The following ADAMTS2 variants were observed in gnomAD, a reference collection of about 807,000 sequenced individuals.
ADAMTS2 encodes the protein ADAM metallopeptidase with thrombospondin type 1 motif 2, also known as A disintegrin and metalloproteinase with thrombospondin motifs 2.
Under a neutral mutation model 123.0 loss-of-function variants are expected in ADAMTS2, and 50 were observed. The ratio of observed to expected loss-of-function variants is 0.41; its 90% CI spans 0.32 to 0.51. The LOEUF (loss-of-function observed/expected upper bound fraction) is 0.51. ADAMTS2 is among the 20% of genes least tolerant of loss of function. The pLI is 0.35. For synonymous variants in ADAMTS2, 678 were observed against 695.4 expected (o/e 0.98, Z 0.39); for missense variants, 1,494 against 1,705.2 (o/e 0.88, Z 2.18).
At position 179,154,443 on chromosome 5, in the gene ADAMTS2, C is replaced by T. The variant is rs1421050972; in HGVS notation, c.1239-251G>A. 3.9e-5 allele frequency among the ~76,000 whole-genome samples: 6 copies of T among 152,178 alleles called. No homozygotes were observed. The South Asian group carries it at 6.2e-4, about 16-fold the overall frequency. On this transcript the variant is annotated intron_variant, in intron 7 of 21. Coordinates refer to ENST00000251582, the MANE Select transcript of ADAMTS2 (RefSeq NM_014244.5). Reference sequence around the variant, plus strand: ...AGGGGCATGCACACCTGGGGGGGACCGTGGCTTCCCTGCCTCCAGGTTTCT... The same window carrying T: ...AGGGGCATGCACACCTGGGGGGGACTGTGGCTTCCCTGCCTCCAGGTTTCT...
At chr5:179,265,952 G>T (rs989070236) in intron 3 of ADAMTS2, among the ~76,000 whole-genome samples, 3 of 152,254 alleles carry the variant, frequency 2.0e-5, no homozygotes, top group Non-Finnish European at 2.9e-5. Context: ...CCAGCGCCGA[G>T]GCGCTGAACT....
chr5:179,226,112 C>A, intron 3 of ADAMTS2, among the ~76,000 whole-genome samples: 1 of 152,302 alleles, frequency 6.6e-6, no homozygotes, highest in Admixed American at 6.5e-5. Flanking sequence ...GCACGCCCTG[C>A]GAGGAGGACA....
Position 179,237,026 on chromosome 5 carries a change from G to A in ADAMTS2, c.689-29311C>T, listed in dbSNP as rs545194587. On this transcript the variant is annotated intron_variant, in intron 3 of 21. Coordinates refer to ENST00000251582, the MANE Select transcript of ADAMTS2 (RefSeq NM_014244.5). The stretch of plus-strand genomic sequence containing the variant: ...TCTCAGCACTTTGGGGGGTTGAGAC[G>A]GGAGGATAGCTTGAGCACAGAAGTA... Among the ~76,000 whole-genome samples the A allele has an allele frequency of 6.4e-4, 98 of 152,194 alleles. 1 individual carries two copies. The South Asian group carries it at 0.018, about 28-fold the overall frequency.
intron 21 of ADAMTS2, among the ~76,000 whole-genome samples, chr5:179,116,963 G>A (rs1762668953): frequency 6.6e-6 from 1 of 152,210 alleles, no homozygotes; most frequent in African/African-American, 2.4e-5. Context: ...ACCCAGGGGA[G>A]ATGCCAGAAA....
rs572437070 is a variant in ADAMTS2 at position 179,185,432 on chromosome 5, G to A, written c.892-4277C>T. On this transcript the variant is annotated intron_variant, in intron 4 of 21. Transcript: ENST00000251582. The surrounding 1 kb of genome is among the most constrained non-coding windows in gnomAD (Gnocchi z 5.9). ...CAGCTCCCACAGGGCGGAGGGAGGAGATGCGGGGCTGGCCCTCTCCTGGCT... is the reference window on the plus strand; with the variant it reads ...CAGCTCCCACAGGGCGGAGGGAGGAAATGCGGGGCTGGCCCTCTCCTGGCT... Among the ~76,000 whole-genome samples the A allele has an allele frequency of 1.3e-5, 2 of 152,204 alleles. No individual in the cohort carries two copies. Among genetic ancestry groups the A allele is most frequent in the South Asian group, 2.1e-4 (1 of 4,818 alleles).
intron 21 of ADAMTS2, among the ~76,000 whole-genome samples, chr5:179,114,531 G>A (rs969067115): frequency 6.6e-6 from 1 of 152,152 alleles, no homozygotes; most frequent in African/African-American, 2.4e-5. Flanking sequence ...TGGAAGTGCT[G>A]ACACACAAGC....
At chr5:179,261,419 C>T (rs1004188166) in intron 3 of ADAMTS2, among the ~76,000 whole-genome samples, 5 of 152,218 alleles carry the variant, frequency 3.3e-5, no homozygotes, top group African/African-American at 4.8e-5. Flanking sequence ...GTCTGTTAAG[C>T]GCTGGGATTT....
intron 3 of ADAMTS2, among the ~76,000 whole-genome samples, chr5:179,266,521 C>G (rs1561657969): frequency 6.6e-6 from 1 of 152,144 alleles, no homozygotes; most frequent in Admixed American, 6.5e-5. Context: ...TGGGGCCTCC[C>G]GAAGGAACCA....
intron 2 of ADAMTS2, among the ~76,000 whole-genome samples, chr5:179,279,594 T>C (rs1466997126): frequency 6.6e-6 from 1 of 152,206 alleles, no homozygotes; most frequent in Non-Finnish European, 1.5e-5. Context: ...CAGAGCCTGC[T>C]CGGGCACTCT....
At chr5:179,310,193 G>A (rs1009087595) in intron 2 of ADAMTS2, among the ~76,000 whole-genome samples, 1 of 152,254 alleles carries the variant, frequency 6.6e-6, no homozygotes, top group Non-Finnish European at 1.5e-5. Flanking sequence ...GAGATGCTCT[G>A]CTGTCTGCTG....
At chr5:179,122,137 C>A (rs1166322016) in intron 20 of ADAMTS2, among the ~76,000 whole-genome samples, 4 of 152,164 alleles carry the variant, frequency 2.6e-5, no homozygotes, top group Non-Finnish European at 5.9e-5. Flanking sequence ...ACACCCTCCC[C>A]AGCTGGGGGC....
intron 2 of ADAMTS2, among the ~76,000 whole-genome samples, chr5:179,315,001 G>A (rs1756945627): frequency 6.6e-6 from 1 of 151,948 alleles, no homozygotes; most frequent in Non-Finnish European, 1.5e-5. Flanking sequence ...ATTCAAGCCT[G>A]GAAGGAACCT....
At chr5:179,196,541 G>C (rs1011299382) in intron 4 of ADAMTS2, among the ~76,000 whole-genome samples, 1 of 152,196 alleles carries the variant, frequency 6.6e-6, no homozygotes, top group Non-Finnish European at 1.5e-5. Context: ...CCTTTAAAAA[G>C]AATCCCCGAA....
chr5:179,234,974 C>T lies in ADAMTS2; in HGVS notation c.689-27259G>A, dbSNP rs1765491312. Among the ~76,000 whole-genome samples, 1 of 152,230 alleles carries T rather than the reference C, an allele frequency of 6.6e-6. No homozygotes were observed. The highest frequency in any genetic ancestry group is 6.5e-5 in the Admixed American group (1 of 15,292). On this transcript the variant is annotated intron_variant, in intron 3 of 21. Coordinates refer to ENST00000251582, the MANE Select transcript of ADAMTS2 (RefSeq NM_014244.5). The surrounding 1 kb of genome is among the most constrained non-coding windows in gnomAD (Gnocchi z 4.7). Reference sequence around the variant, plus strand: ...GCCTGCCAACCCTCCCAGGGACCTGCTCATGTTCCCGCAACGCCCTTACAG... The same window carrying T: ...GCCTGCCAACCCTCCCAGGGACCTGTTCATGTTCCCGCAACGCCCTTACAG...
Position 179,207,684 on chromosome 5 carries a change from G to A in ADAMTS2, c.720C>T (p.Ser240=), listed in dbSNP as rs1484873135. The change falls in exon 4 of 22, where the codon AGC becomes AGT. Residue 240 remains serine, a synonymous_variant. Coordinates refer to ENST00000251582, the MANE Select transcript of ADAMTS2 (RefSeq NM_014244.5). Reference sequence around the variant, plus strand: ...GCTCCTCTAGGACGCCCAGGGCGCGGCTGAGGCTGTCCAGGCTGTCCAGGG... The same window carrying A: ...GCTCCTCTAGGACGCCCAGGGCGCGACTGAGGCTGTCCAGGCTGTCCAGGG... The part of the protein sequence containing the change: ...GASLDSLDSL[S]RALGVLEEHA... 1 of 1,612,626 alleles carries A rather than the reference G, an allele frequency of 6.2e-7. No individual in the cohort carries two copies.
Position 179,252,257 on chromosome 5 carries a change from G to A in ADAMTS2, c.688+20654C>T, listed in dbSNP as rs768196388. Among the ~76,000 whole-genome samples the A allele has an allele frequency of 5.3e-5, 8 of 152,030 alleles. No homozygotes were observed. In the East Asian group the frequency reaches 5.8e-4, roughly 11 times the overall value. ...ACCCCTGAGCTCAGGTGATCCATCC[G>A]CCTCAGACTCCCAAAATGCTGGGAT... is the stretch of plus-strand genomic sequence containing the variant. On this transcript the variant is annotated intron_variant, in intron 3 of 21. Coordinates refer to ENST00000251582, the MANE Select transcript of ADAMTS2 (RefSeq NM_014244.5).
chr5:179,344,278 C>T, intron 1 of ADAMTS2, 117 bp from the exon 2 acceptor site: 1 of 1,354,062 alleles, frequency 7.4e-7, no homozygotes, highest in Non-Finnish European at 1.0e-6. Flanking sequence ...AGGGGCATTC[C>T]GCCAGGCGAC....
chr5:179,134,664 A>C (rs934667661), intron 13 of ADAMTS2, among the ~76,000 whole-genome samples: 7 of 152,204 alleles, frequency 4.6e-5, no homozygotes, highest in African/African-American at 1.7e-4. Context: ...TGTATAGCCC[A>C]GCCTCCCGGC....
At position 179,121,706 on chromosome 5, in the gene ADAMTS2, G is replaced by A; in HGVS notation, c.3133C>T (p.Leu1045=). ...PSKKSYVVQW[L]SRPDPDSPIR... is the part of the protein sequence containing the mutation. ...GGCGAGTCGGGGTCCGGGCGGGACA[G>A]CCACTGAACTACGTAGCTCTTCTTG... Residue 1045 remains leucine (L), a synonymous_variant, in exon 21 of 22, where the codon CTG becomes TTG. Coordinates refer to ENST00000251582, the MANE Select transcript of ADAMTS2 (RefSeq NM_014244.5). 1.9e-6 allele frequency: 3 copies of A among 1,596,058 alleles called. No homozygotes were observed. Among genetic ancestry groups the A allele is most frequent in the Middle Eastern group, 1.7e-4 (1 of 6,006 alleles).
Sources: allele counts gnomAD v4.1 joint callset (sites outside exome capture counted in the v4.1 genomes callset), GRCh38; gene constraint gnomAD v4.1.1; non-coding constraint Gnocchi (gnomAD v3.1); transcripts MANE v1.5; gene names NCBI Gene and HGNC (gene_info 2026-07-23, HGNC 2026-07-21).